The following FANCI variants were observed in gnomAD, a reference collection of about 807,000 sequenced individuals.
FANCI encodes the protein Fanconi anemia group I protein.
In FANCI, 156 loss-of-function variants were observed where a neutral mutation model predicts 176.1. The observed-to-expected ratio is 0.89, with a 90% CI of 0.78 to 1.01. The LOEUF is 1.01. Ranked by LOEUF, FANCI falls within the 50% of genes least tolerant of loss-of-function variation. FANCI has a pLI of 0.00. For synonymous variants in FANCI, 613 were observed against 541.7 expected, an observed-to-expected ratio of 1.13 and a Z score of -1.83; for missense variants, 1,678 against 1,534.1, an observed-to-expected ratio of 1.09 and a Z score of -1.57.
At chr15:89,302,071 TA>T (rs2054543154) in intron 27 of FANCI, among the ~76,000 whole-genome samples, 1 of 151,962 alleles carries the variant, frequency 6.6e-6, no homozygotes, top group African/African-American at 2.4e-5. Flanking sequence ...CATTCAGGAG[TA>T]ATTTTCCTGT....
At chr15:89,284,317 A>G (rs1195780035) in intron 17 of FANCI, among the ~76,000 whole-genome samples, 16 of 152,226 alleles carry the variant, frequency 1.1e-4, no homozygotes, top group Non-Finnish European at 2.4e-4. Context: ...ATGATGTACT[A>G]TAAGATTTAT....
At chr15:89,296,500 C>T (rs2054280450) in intron 24 of FANCI, among the ~76,000 whole-genome samples, 2 of 152,062 alleles carry the variant, frequency 1.3e-5, no homozygotes, top group South Asian at 2.1e-4. Context: ...TCAGAGAGCA[C>T]GGGGTTGCGG....
chr15:89,260,626 G>C, intron 3 of FANCI, 87 bp from the exon 4 acceptor site: 1 of 1,514,442 alleles, frequency 6.6e-7, no homozygotes, highest in Non-Finnish European at 9.1e-7. Context: ...CTGTTTTTTT[G>C]TATTTAACTA....
At chr15:89,283,422 C>G (rs1364272442) in intron 17 of FANCI, among the ~76,000 whole-genome samples, 172 bp downstream of exon 17, 1 of 152,146 alleles carries the variant, frequency 6.6e-6, no homozygotes, top group Non-Finnish European at 1.5e-5. Context: ...TTGGCTAACA[C>G]TCATTAATGG....
At chr15:89,313,018 C>T (rs369678657) in intron 35 of FANCI, 46 bp downstream of exon 35, 18 of 1,560,754 alleles carry the variant, frequency 1.2e-5, no homozygotes, top group East Asian at 6.7e-5. Context: ...TTGGTGAACC[C>T]GAAAACATGA....
At chr15:89,282,371 GTTTT>G in intron 16 of FANCI, 3 of 163,938 alleles carry the variant, frequency 1.8e-5, no homozygotes, top group Admixed American at 1.1e-4. Flanking sequence ...AGGGGAATGA[GTTTT>G]ATTTGTAGCT....
intron 2 of FANCI, among the ~76,000 whole-genome samples, chr15:89,248,235 G>T (rs1001535421): frequency 3.3e-5 from 5 of 152,130 alleles, no homozygotes; most frequent in Admixed American, 1.3e-4. Context: ...ATGTTAGGCT[G>T]TTTCTTCTCC....
intron 18 of FANCI, among the ~76,000 whole-genome samples, chr15:89,288,783 C>CAA (rs2053933427): frequency 6.6e-6 from 1 of 151,804 alleles, no homozygotes; most frequent in South Asian, 2.1e-4. Context: ...CCACTGCACC[C>CAA]AGCTAATTTT....
At chr15:89,303,965 C>T in intron 28 of FANCI, 50 bp downstream of exon 28, 1 of 1,545,998 alleles carries the variant, frequency 6.5e-7, no homozygotes, top group Non-Finnish European at 8.9e-7. Context: ...AATCACTATC[C>T]TCCAGTGGCA....
intron 16 of FANCI, chr15:89,282,571 A>G (rs1199502552): frequency 1.1e-5 from 2 of 175,324 alleles, no homozygotes; most frequent in East Asian, 2.7e-4. Flanking sequence ...AGGAACAACT[A>G]AGCCATATGC....
At position 89,275,671 on chromosome 15, in the gene FANCI, C is replaced by T. The variant is rs1225813009; in HGVS notation, c.1113-1040C>T. Among the ~76,000 whole-genome samples the T allele has an allele frequency of 2.6e-5, 4 of 152,278 alleles. No homozygotes were observed. The East Asian group carries it at 5.8e-4, about 22-fold the overall frequency. On this transcript the variant is annotated intron_variant, in intron 12 of 37. Transcript: ENST00000310775. ...TTTTTCCTGAGGTTTATACTTGTGT[C>T]TCCAGTATTTTCCCAACCCAATCTC... is the stretch of plus-strand genomic sequence containing the variant.
intron 36 of FANCI, 142 bp downstream of exon 36, chr15:89,314,849 CTTTTT>C: frequency 2.5e-6 from 1 of 397,366 alleles, no homozygotes; most frequent in Non-Finnish European, 4.4e-6. Flanking sequence ...CCCCCCCCCC[CTTTTT>C]TTTTTTGAGA....
At chr15:89,307,696 C>T (rs551102476) in intron 34 of FANCI, 24 bp downstream of exon 34, 166 of 1,613,914 alleles carry the variant, frequency 1.0e-4, no homozygotes, top group Non-Finnish European at 1.3e-4. Context: ...AGGCAGTACC[C>T]AATAGGTCTT....
At chr15:89,250,296 A>G (rs1034336664) in intron 2 of FANCI, among the ~76,000 whole-genome samples, 2 of 152,152 alleles carry the variant, frequency 1.3e-5, no homozygotes, top group Non-Finnish European at 2.9e-5. Flanking sequence ...AACCAACCCA[A>G]GTGTCCAACA....
chr15:89,293,392 A>C (rs1338861703), intron 22 of FANCI, among the ~76,000 whole-genome samples: 2 of 152,212 alleles, frequency 1.3e-5, no homozygotes, highest in Non-Finnish European at 2.9e-5. Context: ...ACTGGTATAA[A>C]TAAGGGAGGG....
chr15:89,316,156 A>G (rs925904430), intron 37 of FANCI: 26 of 549,988 alleles, frequency 4.7e-5, no homozygotes, highest in African/African-American at 2.3e-4. Context: ...ATTTTGTCCC[A>G]TAAGTATCCT....
chr15:89,316,040 C>T (rs2055234105), intron 37 of FANCI, among the ~76,000 whole-genome samples: 2 of 152,252 alleles, frequency 1.3e-5, no homozygotes, highest in South Asian at 4.1e-4. Context: ...GATGATCACA[C>T]TCCAGGCTCT....
intron 34 of FANCI, among the ~76,000 whole-genome samples, chr15:89,310,253 G>A (rs563102588): frequency 8.9e-4 from 136 of 152,290 alleles, no homozygotes; most frequent in South Asian, 4.1e-3. Context: ...ACAAATAAAC[G>A]AGCATGGCTA....
At chr15:89,274,386 G>T (rs1596270982) in intron 12 of FANCI, 82 bp downstream of exon 12, 2 of 1,505,148 alleles carry the variant, frequency 1.3e-6, no homozygotes, top group Non-Finnish European at 9.2e-7. Context: ...CTTGCAGCCT[G>T]TGAGGGGAAA....
Sources: allele counts gnomAD v4.1 joint callset (sites outside exome capture counted in the v4.1 genomes callset), GRCh38; gene constraint gnomAD v4.1.1; transcripts MANE v1.5; gene names NCBI Gene and HGNC (gene_info 2026-07-23, HGNC 2026-07-21).